The following APC variants were observed in gnomAD, a reference collection of about 807,000 sequenced individuals.
The protein encoded by APC is adenomatous polyposis coli protein.
A neutral mutation model predicts 247.0 loss-of-function variants in APC; 72 were observed. The observed-to-expected ratio is 0.29, with a 90% CI of 0.24 to 0.35. The LOEUF is 0.35. APC is among the 10% of genes least tolerant of loss of function. The pLI, the probability that APC is intolerant of heterozygous loss-of-function variation, is 1.00. For synonymous variants in APC, 1,254 were observed against 1,162.5 expected (o/e 1.08, Z -1.60); for missense variants, 3,400 against 3,360.7 (o/e 1.01, Z -0.29).
upstream of APC, among the ~76,000 whole-genome samples, chr5:112,733,366 G>A (rs951596157): frequency 1.3e-5 from 2 of 152,180 alleles, no homozygotes; most frequent in Non-Finnish European, 2.9e-5. Flanking sequence ...GATTATTGAC[G>A]TGGGCCAAAT....
At chr5:112,761,224 G>T (rs1468797139) in intron 2 of APC, among the ~76,000 whole-genome samples, 1 of 152,138 alleles carries the variant, frequency 6.6e-6, no homozygotes, top group African/African-American at 2.4e-5. Flanking sequence ...TTTTGTTCTT[G>T]TATACACAGT....
intron 1 of APC, 35 bp downstream of exon 1, chr5:112,737,960 C>T (rs1479708790): frequency 3.0e-5 from 29 of 980,690 alleles, no homozygotes; most frequent in Non-Finnish European, 3.5e-5. Context: ...AGGCTTGCTG[C>T]GGGGGGAGGG....
chr5:112,760,708 A>G (rs886438014), intron 2 of APC, among the ~76,000 whole-genome samples: 1 of 152,190 alleles, frequency 6.6e-6, no homozygotes, highest in Non-Finnish European at 1.5e-5. Flanking sequence ...GAGGAGATGG[A>G]GAACTTTCAT....
rs759407858 is a variant in APC, at chr5:112,839,146, C to T, written c.3552C>T (p.Ala1184=). 116 of 1,613,872 alleles carry T rather than the reference C, an allele frequency of 7.2e-5. No homozygotes were observed. The highest frequency in any genetic ancestry group is 9.4e-5 in the Non-Finnish European group (111 of 1,180,026). ...DQPIDYSLKY[A]TDIPSSQKQS... ...CTATTGATTATAGTTTAAAATATGCCACAGATATTCCTTCATCACAGAAAC... is the reference window on the plus strand; with the variant it reads ...CTATTGATTATAGTTTAAAATATGCTACAGATATTCCTTCATCACAGAAAC... The change falls in exon 16 of 16, where the codon GCC becomes GCT. Residue 1184 remains alanine, a synonymous_variant. Coordinates refer to ENST00000257430, the MANE Select transcript of APC (RefSeq NM_000038.6). The surrounding 1 kb of genome is among the most constrained non-coding windows in gnomAD (Gnocchi z 5.0).
chr5:112,816,697 G>C lies in APC; in HGVS notation c.933+1104G>C, dbSNP rs189350019. 6.8e-3 allele frequency among the ~76,000 whole-genome samples: 1,036 copies of C among 151,636 alleles called. 13 individuals are homozygous for C. Among genetic ancestry groups the C allele is most frequent in the African/African-American group, 0.024 (992 of 41,372 alleles). Reference sequence around the variant, plus strand: ...AATCCCAGCTACTCGGGAGGCTGAGGCAGGAGAATTGTTTGAACCTGGGAG... The same window carrying C: ...AATCCCAGCTACTCGGGAGGCTGAGCCAGGAGAATTGTTTGAACCTGGGAG... On this transcript the variant is annotated intron_variant, in intron 9 of 15. Coordinates refer to ENST00000257430, the MANE Select transcript of APC (RefSeq NM_000038.6).
intron 15 of APC, among the ~76,000 whole-genome samples, chr5:112,835,671 C>G (rs1381970997): frequency 6.6e-6 from 1 of 150,602 alleles, no homozygotes; most frequent in African/African-American, 2.5e-5. Flanking sequence ...CTCCTGGGTT[C>G]AAGCGATTCT....
At chr5:112,746,454 T>A (rs1376356137) in intron 1 of APC, among the ~76,000 whole-genome samples, 1 of 152,186 alleles carries the variant, frequency 6.6e-6, no homozygotes, top group Non-Finnish European at 1.5e-5. Context: ...ACATTTTCTC[T>A]TTAAAAATTC....
chr5:112,822,102 A>G (rs1270221653), intron 11 of APC, 111 bp downstream of exon 11: 1 of 764,476 alleles, frequency 1.3e-6, no homozygotes, highest in Non-Finnish European at 2.2e-6. Context: ...GAATTAGGAT[A>G]TAAGGCCACC....
chr5:112,789,286 A>G (rs1190030863), intron 6 of APC, among the ~76,000 whole-genome samples: 1 of 152,220 alleles, frequency 6.6e-6, no homozygotes, highest in African/African-American at 2.4e-5. Context: ...GAAGTGCTGC[A>G]GTGAGCATTT....
intron 2 of APC, among the ~76,000 whole-genome samples, chr5:112,758,756 G>A (rs764496357): frequency 1.3e-5 from 2 of 150,276 alleles, no homozygotes; most frequent in Non-Finnish European, 3.0e-5. Flanking sequence ...GGTCCCTACC[G>A]CCACGCCCGG....
intron 13 of APC, 86 bp from the exon 14 acceptor site, chr5:112,828,770 T>A (rs1278632824): frequency 1.1e-6 from 1 of 944,268 alleles, no homozygotes; most frequent in Non-Finnish European, 1.7e-6. Flanking sequence ...CTTAATAGAT[T>A]TCTATTCTTA....
At chr5:112,725,211 G>A (rs1473200057) in intron 1 of APC, among the ~76,000 whole-genome samples, 1 of 152,044 alleles carries the variant, frequency 6.6e-6, no homozygotes, top group East Asian at 1.9e-4. Flanking sequence ...GACCTCAGGT[G>A]GTCCACCTGC....
chr5:112,782,093 G>T (rs1302150485), intron 6 of APC, among the ~76,000 whole-genome samples: 1 of 152,180 alleles, frequency 6.6e-6, no homozygotes, highest in Admixed American at 6.5e-5. Flanking sequence ...AAAAGAAAGA[G>T]GTTTAAGGGA....
chr5:112,752,241 A>G (rs1754466597), intron 1 of APC, among the ~76,000 whole-genome samples: 2 of 152,064 alleles, frequency 1.3e-5, no homozygotes, highest in Non-Finnish European at 2.9e-5. Flanking sequence ...TTGTTTTTCC[A>G]TGAAAACAAA....
At chr5:112,819,472 T>C in intron 10 of APC, 128 bp downstream of exon 10, 1 of 1,234,826 alleles carries the variant, frequency 8.1e-7, no homozygotes, top group South Asian at 1.3e-5. Context: ...CAGCCATTTG[T>C]GCTACTCATA....
At position 112,815,553 on chromosome 5, in the gene APC, A is replaced by T. The variant is rs1554079195; in HGVS notation, c.893A>T (p.His298Leu). Residue 298 changes from histidine (H) to leucine (L), a missense_variant, in exon 9 of 16, where the codon CAC becomes CTC. Physicochemically the swap from His to Leu is moderately conservative, Grantham distance 99 (BLOSUM62 -3). Around this residue, in one of 9 missense-constraint regions of APC, gnomAD observed 372 missense variants for 367.6 expected, o/e 1.01. Coordinates refer to ENST00000257430, the MANE Select transcript of APC (RefSeq NM_000038.6). ...TASVLSSSSTHSAPRRLTSHL... is the reference protein window; with the variant it reads ...TASVLSSSSTLSAPRRLTSHL... ...AGTGTTTTGAGTTCTAGTAGCACACACTCTGCACCTCGAAGGCTGACAAGT... is the reference window on the plus strand; with the variant it reads ...AGTGTTTTGAGTTCTAGTAGCACACTCTCTGCACCTCGAAGGCTGACAAGT... 6.2e-7 allele frequency: 1 copy of T among 1,612,396 alleles called. No homozygotes were observed. The highest frequency in any genetic ancestry group is 8.5e-7 in the Non-Finnish European group (1 of 1,178,874).
intron 14 of APC, among the ~76,000 whole-genome samples, chr5:112,834,277 T>A (rs912050707): frequency 8.3e-5 from 12 of 144,190 alleles, no homozygotes; most frequent in Non-Finnish European, 1.8e-4. Context: ...AGTTTCGCTC[T>A]GTCAGCCAGG....
intron 1 of APC, among the ~76,000 whole-genome samples, chr5:112,745,724 C>T (rs954825085): frequency 2.6e-5 from 4 of 151,818 alleles, no homozygotes; most frequent in South Asian, 2.1e-4. Flanking sequence ...GGTGCCACCA[C>T]GCCCAGCTAA....
rs141407067 is a variant in APC at position 112,740,081 on chromosome 5, A to G, written c.-19+2156A>G. On this transcript the variant is annotated intron_variant, in intron 1 of 15. Coordinates refer to ENST00000257430, the MANE Select transcript of APC (RefSeq NM_000038.6). ...ATAATATATAACAGAGGTAATTTGA[A>G]AAACAGTGTAAGTCACTGACAAATT... Among the ~76,000 whole-genome samples, 383 of 152,328 alleles carry G rather than the reference A, an allele frequency of 2.5e-3. 1 individual carries two copies. Among genetic ancestry groups the G allele is most frequent in the African/African-American group, 8.7e-3 (362 of 41,574 alleles).
Sources: gnomAD v4.1 joint callset for allele counts (sites outside exome capture counted in the v4.1 genomes callset) on GRCh38, gnomAD v4.1.1 for gene constraint, gnomAD v4.1.1 regional missense constraint, Gnocchi (gnomAD v3.1) non-coding constraint, MANE v1.5 for transcripts, NCBI Gene and HGNC (gene_info 2026-07-23, HGNC 2026-07-21) for gene names.